The following MAGI2 variants were observed in gnomAD, a reference collection of about 807,000 sequenced individuals.
MAGI2 encodes the protein membrane associated guanylate kinase, WW and PDZ domain containing 2.
In MAGI2, 35 loss-of-function variants were observed where a neutral mutation model predicts 133.3. The ratio of observed to expected loss-of-function variants is 0.26; its 90% CI spans 0.20 to 0.35. MAGI2 has a LOEUF of 0.35. Ranked by LOEUF, MAGI2 falls within the 10% of genes least tolerant of loss-of-function variation. The probability of loss-of-function intolerance (pLI) is 1.00; values close to 1 mark genes in which losing one functional copy is unlikely to be tolerated. For missense variants in MAGI2, 1,636 were observed against 1,863.4 expected, an observed-to-expected ratio of 0.88 and a Z score of 2.25; for synonymous variants, 729 against 710.6, an observed-to-expected ratio of 1.03 and a Z score of -0.41.
intron 1 of MAGI2, among the ~76,000 whole-genome samples, chr7:79,439,700 G>T (rs574802274): frequency 2.0e-5 from 3 of 151,958 alleles, no homozygotes. Context: ...ATTAATCAAA[G>T]GATCTTAATT....
chr7:78,205,823 C>A (rs1227983700), intron 10 of MAGI2, among the ~76,000 whole-genome samples: 1 of 152,056 alleles, frequency 6.6e-6, no homozygotes, highest in Non-Finnish European at 1.5e-5. Flanking sequence ...TTACTATTTC[C>A]TTTATTGTCA....
chr7:78,525,274 A>G (rs1378410160), intron 3 of MAGI2, among the ~76,000 whole-genome samples: 1 of 152,164 alleles, frequency 6.6e-6, no homozygotes, highest in African/African-American at 2.4e-5. Flanking sequence ...CTCTTACTAC[A>G]CTTGACAAAT....
intron 6 of MAGI2, among the ~76,000 whole-genome samples, chr7:78,397,338 AAATGTAT>A (rs1796437702): frequency 3.3e-5 from 5 of 150,328 alleles, no homozygotes; most frequent in Admixed American, 2.7e-4. Flanking sequence ...GTGAAAGTAA[AAATGTAT>A]AATATCACAT....
chr7:79,303,476 C>T (rs1371025092), intron 1 of MAGI2, among the ~76,000 whole-genome samples: 2 of 152,082 alleles, frequency 1.3e-5, no homozygotes, highest in Non-Finnish European at 2.9e-5. Context: ...ATCATCTGTG[C>T]CAAAGTGTTT....
intron 2 of MAGI2, among the ~76,000 whole-genome samples, chr7:78,887,764 C>T (rs534996529): frequency 4.6e-5 from 7 of 152,186 alleles, no homozygotes; most frequent in Admixed American, 6.5e-5. Flanking sequence ...CCAAGATGGC[C>T]GAATACGAAC....
At chr7:78,840,148 G>C (rs1792002524) in intron 2 of MAGI2, among the ~76,000 whole-genome samples, 1 of 151,500 alleles carries the variant, frequency 6.6e-6, no homozygotes, top group Non-Finnish European at 1.5e-5. Context: ...TCAACATTTG[G>C]CTCCCCAATG....
intron 2 of MAGI2, among the ~76,000 whole-genome samples, chr7:78,805,483 G>A (rs1039291709): frequency 2.0e-5 from 3 of 152,056 alleles, no homozygotes; most frequent in African/African-American, 7.2e-5. Flanking sequence ...CAGTAGAAGA[G>A]GCAGAACTGT....
chr7:78,895,363 C>T (rs1797122204), intron 2 of MAGI2, among the ~76,000 whole-genome samples: 1 of 152,148 alleles, frequency 6.6e-6, no homozygotes. Context: ...TACCCAGTCT[C>T]AGGTATTCCA....
chr7:79,150,132 A>T (rs998130304), intron 1 of MAGI2, among the ~76,000 whole-genome samples: 1 of 152,144 alleles, frequency 6.6e-6, no homozygotes, highest in Non-Finnish European at 1.5e-5. Flanking sequence ...GAGCCAGACC[A>T]CAATCACGGT....
In MAGI2 at chr7:78,095,659, T is replaced by A. The variant is rs1458649157; in HGVS notation, c.3568-16574A>T. Among the ~76,000 whole-genome samples, 9 of 152,136 alleles carry A rather than the reference T, an allele frequency of 5.9e-5. No homozygotes were observed. In the East Asian group the frequency reaches 1.7e-3, roughly 29 times the overall value. On this transcript the variant is annotated intron_variant, in intron 20 of 21. Coordinates refer to ENST00000354212, the MANE Select transcript of MAGI2 (RefSeq NM_012301.4). Reference sequence around the variant, plus strand: ...AGGAGAACAGGGCATATATGATACCTTTTTCCCTCATGGAGAATGGGGTGG... The same window carrying A: ...AGGAGAACAGGGCATATATGATACCATTTTCCCTCATGGAGAATGGGGTGG...
At chr7:78,758,977 C>T (rs892907762) in intron 2 of MAGI2, among the ~76,000 whole-genome samples, 1 of 152,056 alleles carries the variant, frequency 6.6e-6, no homozygotes, top group South Asian at 2.1e-4. Flanking sequence ...TTCTTATGGG[C>T]CTAAATATAT....
intron 21 of MAGI2, among the ~76,000 whole-genome samples, chr7:78,057,987 A>T (rs370816057): frequency 6.6e-5 from 2 of 30,200 alleles, no homozygotes; most frequent in African/African-American, 2.0e-4. Flanking sequence ...GTATATATAT[A>T]TATATATATA....
At chr7:78,292,841 C>T (rs1166903409) in intron 9 of MAGI2, among the ~76,000 whole-genome samples, 2 of 152,136 alleles carry the variant, frequency 1.3e-5, no homozygotes, top group African/African-American at 2.4e-5. Flanking sequence ...GGAAAGGATT[C>T]CCTATTTAAT....
intron 6 of MAGI2, among the ~76,000 whole-genome samples, chr7:78,439,469 T>C (rs1010591248): frequency 1.3e-5 from 2 of 152,090 alleles, no homozygotes; most frequent in Non-Finnish European, 2.9e-5. Flanking sequence ...ATGTAAGAAG[T>C]GGGGCAGGCC....
intron 3 of MAGI2, among the ~76,000 whole-genome samples, chr7:78,621,877 A>G (rs1291815893): frequency 6.6e-6 from 1 of 152,060 alleles, no homozygotes; most frequent in Non-Finnish European, 1.5e-5. Context: ...AGCAATAATA[A>G]AAAGGCACAC....
At chr7:78,961,358 A>G (rs1276238103) in intron 2 of MAGI2, among the ~76,000 whole-genome samples, 3 of 152,010 alleles carry the variant, frequency 2.0e-5, no homozygotes, top group Non-Finnish European at 4.4e-5. Flanking sequence ...ACACCACACC[A>G]TCTGGAGAAG....
At chr7:78,410,142 G>C (rs1010611185) in intron 6 of MAGI2, among the ~76,000 whole-genome samples, 1 of 151,910 alleles carries the variant, frequency 6.6e-6, no homozygotes, top group Non-Finnish European at 1.5e-5. Flanking sequence ...ACATCATGTT[G>C]CTTCCACCAT....
chr7:79,365,077 G>C (rs1842614477), intron 1 of MAGI2, among the ~76,000 whole-genome samples: 1 of 151,088 alleles, frequency 6.6e-6, no homozygotes, highest in East Asian at 1.9e-4. Context: ...CTGTGCAAAA[G>C]ACATGAACAT....
intron 3 of MAGI2, among the ~76,000 whole-genome samples, chr7:78,536,238 A>C (rs182781735): frequency 0.048 from 6,621 of 137,966 alleles, 249 homozygotes; most frequent in African/African-American, 0.11. Flanking sequence ...TCAGCCTCCC[A>C]AGTAGCTGGG....
Sources: allele counts gnomAD v4.1 joint callset (sites outside exome capture counted in the v4.1 genomes callset), GRCh38; gene constraint gnomAD v4.1.1; transcripts MANE v1.5; gene names NCBI Gene and HGNC (gene_info 2026-07-23, HGNC 2026-07-21).